The following SSH3 variants were observed in gnomAD, a reference collection of about 807,000 sequenced individuals.
SSH3 encodes protein phosphatase Slingshot homolog 3.
A neutral mutation model predicts 75.0 loss-of-function variants in SSH3; 67 were observed. The ratio of observed to expected loss-of-function variants is 0.89; its 90% CI spans 0.73 to 1.10. SSH3 has a LOEUF of 1.10. Among genes scored for constraint, SSH3 ranks in the 50% least tolerant of loss-of-function variants. SSH3 has a pLI of 0.00. For synonymous variants in SSH3, 318 were observed against 349.2 expected (o/e 0.91, Z 1.00); for missense variants, 824 against 872.7 (o/e 0.94, Z 0.70).
At chr11:67,303,888 G>C in intron 1 of SSH3, 197 bp downstream of exon 1, 2 of 752,872 alleles carry the variant, frequency 2.7e-6, no homozygotes, top group East Asian at 6.5e-5. Flanking sequence ...CGCCGCCCGG[G>C]CTGCGGAGGC....
chr11:67,310,474 G>A, intron 13 of SSH3, 135 bp downstream of exon 13: 3 of 1,193,564 alleles, frequency 2.5e-6, no homozygotes. Flanking sequence ...CGCCCATGCA[G>A]GGTGTCCTGG....
chr11:67,309,506 C>T lies in SSH3; in HGVS notation c.1171C>T (p.His391Tyr). 6.2e-7 allele frequency: 1 copy of T among 1,614,104 alleles called. No individual in the cohort carries two copies. Among genetic ancestry groups the T allele is most frequent in the Middle Eastern group, 1.6e-4 (1 of 6,062 alleles). Reference protein sequence around the residue: ...WDEESAQLLPHWKETHRFIEA... With the variant: ...WDEESAQLLPYWKETHRFIEA... ...TGAGGAGTCGGCCCAGCTGCTGCCG[C>T]ACTGGAAGGAGACGCACCGCTTCAT... The change falls in exon 11 of 14, where the codon CAC becomes TAC. Residue 391 changes from histidine to tyrosine, a missense_variant. His to Tyr is a moderately conservative substitution (Grantham distance 83). Coordinates refer to ENST00000308127, the MANE Select transcript of SSH3 (RefSeq NM_017857.4).
At position 67,310,229 on chromosome 11, in the gene SSH3, G is replaced by A. The variant is rs1861373730; in HGVS notation, c.1573G>A (p.Glu525Lys). ...AGAGAGCCAGGCAGCCCCGAAAGAA[G>A]AGCCTGGGCCACGGCCACGTATAAA... ...MEESQAAPKE[E>K]PGPRPRINLR... The change falls in exon 13 of 14, where the codon GAG (glutamate) becomes AAG (lysine). Residue 525 changes from glutamate (E) to lysine (K), a missense_variant. Glu to Lys is a moderately conservative substitution (Grantham distance 56). Transcript: ENST00000308127. 1.9e-6 allele frequency: 3 copies of A among 1,614,110 alleles called. No homozygotes were observed. Among genetic ancestry groups the A allele is most frequent in the Non-Finnish European group, 1.7e-6 (2 of 1,180,040 alleles).
At chr11:67,306,490 A>G (rs1250749699) in intron 3 of SSH3, among the ~76,000 whole-genome samples, 3 of 152,080 alleles carry the variant, frequency 2.0e-5, no homozygotes, top group Non-Finnish European at 2.9e-5. Flanking sequence ...TGTCCCAGCA[A>G]CTTGGGAGGC....
rs148268386 is a variant in SSH3 at position 67,307,686 on chromosome 11, C to T, written c.740C>T (p.Thr247Met). ...NSEQSCLNEW[T>M]AMADLESLRP... ...GAACAGAGCTGCCTCAATGAGTGGACGGCTATGGCCGACCTGGAGTCTCTG... is the reference window on the plus strand; with the variant it reads ...GAACAGAGCTGCCTCAATGAGTGGATGGCTATGGCCGACCTGGAGTCTCTG... The change falls in exon 7 of 14, where the codon ACG (threonine) becomes ATG (methionine). Residue 247 changes from threonine to methionine, a missense_variant. Physicochemically the swap from Thr to Met is moderately conservative, Grantham distance 81. Coordinates refer to ENST00000308127, the MANE Select transcript of SSH3 (RefSeq NM_017857.4). This position sits in a 1 kb window ranked among gnomAD's most constrained non-coding sequence, Gnocchi z 4.2. The T allele has an allele frequency of 9.9e-5, 160 of 1,614,022 alleles. 1 individual carries two copies. The East Asian group carries it at 2.7e-3, about 28-fold the overall frequency.
At chr11:67,306,298 A>G (rs994871299) in intron 3 of SSH3, among the ~76,000 whole-genome samples, 1 of 151,518 alleles carries the variant, frequency 6.6e-6, no homozygotes, top group Non-Finnish European at 1.5e-5. Context: ...CAAAAAAAAA[A>G]AAAGAAAAAA....
chr11:67,312,063 C>T lies in SSH3; in HGVS notation c.*176C>T. Reference sequence around the variant, plus strand: ...TCACCTCCCACCCCTGTCACTACAGCCTCACCTCCTACAGCCTTAAGTCCC... The same window carrying T: ...TCACCTCCCACCCCTGTCACTACAGTCTCACCTCCTACAGCCTTAAGTCCC... On this transcript the variant is annotated 3_prime_UTR_variant, in exon 14 of 14. Transcript: ENST00000308127. 1.1e-5 allele frequency: 9 copies of T among 815,194 alleles called. No individual in the cohort carries two copies. The highest frequency in any genetic ancestry group is 1.7e-5 in the Non-Finnish European group (9 of 538,706). 50.5% of individuals were successfully genotyped at this position (815,194 alleles called of 1,614,324 possible).
Position 67,308,538 on chromosome 11 carries a change from A to C in SSH3, c.1061+80A>C. On this transcript the variant is annotated intron_variant, in intron 10 of 13. Transcript: ENST00000308127. This position sits in a 1 kb window ranked among gnomAD's most constrained non-coding sequence, Gnocchi z 4.9. ...CCCGCATTGGGTGGTAGCCAGCTTC[A>C]AAAACCCCTGGACCACCCTCAGCAG... The C allele has an allele frequency of 6.5e-7, 1 of 1,528,770 alleles. No homozygotes were observed. The highest frequency in any genetic ancestry group is 2.5e-5 in the East Asian group (1 of 40,580). 94.7% of individuals were successfully genotyped at this position (1,528,770 alleles called of 1,614,324 possible).
At position 67,304,099 on chromosome 11, in the gene SSH3, G is replaced by C. The variant is rs759301387; in HGVS notation, c.67-19G>C. 15 of 1,582,442 alleles carry C rather than the reference G, an allele frequency of 9.5e-6. No homozygotes were observed. In the South Asian group the frequency reaches 1.5e-4, roughly 16 times the overall value. The stretch of plus-strand genomic sequence containing the variant: ...GCCCTCCCCGCCCTCACCCTGCCCT[G>C]GGGCTGCTCTCTCCGCAGGACCAGG... On this transcript the variant is annotated intron_variant, in intron 1 of 13. Coordinates refer to ENST00000308127, the MANE Select transcript of SSH3 (RefSeq NM_017857.4).
rs1861317861 is a variant in SSH3, at chr11:67,308,541, A to G, written c.1061+83A>G. ...GCATTGGGTGGTAGCCAGCTTCAAA[A>G]ACCCCTGGACCACCCTCAGCAGCTG... On this transcript the variant is annotated intron_variant, in intron 10 of 13. Transcript: ENST00000308127. This position sits in a 1 kb window ranked among gnomAD's most constrained non-coding sequence, Gnocchi z 4.9. The G allele has an allele frequency of 6.6e-7, 1 of 1,526,192 alleles. No individual in the cohort carries two copies. Among genetic ancestry groups the G allele is most frequent in the Admixed American group, 2.0e-5 (1 of 50,676 alleles). 94.5% of individuals were successfully genotyped at this position (1,526,192 alleles called of 1,614,324 possible).
chr11:67,304,899 C>A lies in SSH3; in HGVS notation c.231C>A (p.Asp77Glu). ...CGAGTGAGGAGGAGCTCCACGGGGA[C>A]CAGACAGACTTCGGGCAAGGATCCC... ...KAPSEEELHG[D>E]QTDFGQGSQS... is the part of the protein sequence containing the mutation. Residue 77 changes from aspartate (D) to glutamate (E), a missense_variant, in exon 3 of 14, where the codon GAC becomes GAA. Asp to Glu is a conservative substitution (Grantham distance 45). Transcript: ENST00000308127. 6.2e-7 allele frequency: 1 copy of A among 1,613,804 alleles called. No homozygotes were observed.
rs1057165661 is a variant in SSH3, at chr11:67,303,654, C to T, written c.29C>T (p.Pro10Leu). 7.3e-6 allele frequency: 11 copies of T among 1,513,122 alleles called. No individual in the cohort carries two copies. Among genetic ancestry groups the T allele is most frequent in the Non-Finnish European group, 9.7e-6 (11 of 1,137,316 alleles). 93.7% of individuals were successfully genotyped at this position (1,513,122 alleles called of 1,614,324 possible). Residue 10 changes from proline (P) to leucine (L), a missense_variant, in exon 1 of 14, where the codon CCC becomes CTC. By Grantham distance (98) the Pro-to-Leu change is moderately conservative. Coordinates refer to ENST00000308127, the MANE Select transcript of SSH3 (RefSeq NM_017857.4). MALVTVSRS[P>L]PGSGASTPVG... ...GCCCTGGTCACAGTGAGCCGTTCGC[C>T]CCCGGGCAGCGGCGCCTCCACGCCC...
chr11:67,311,234 C>A, intron 13 of SSH3, among the ~76,000 whole-genome samples: 1 of 152,266 alleles, frequency 6.6e-6, no homozygotes, highest in Non-Finnish European at 1.5e-5. Flanking sequence ...GGGCTGGTGC[C>A]GGCACGGGTT....
At chr11:67,303,841 C>T (rs1292861225) in intron 1 of SSH3, 150 bp downstream of exon 1, 3 of 833,002 alleles carry the variant, frequency 3.6e-6, no homozygotes, top group Admixed American at 3.9e-5. Flanking sequence ...TCGAGGGTCT[C>T]TGGTACTGGC....
rs751001057 is a variant in SSH3 at position 67,307,958 on chromosome 11, G to A, written c.885+19G>A. 5 of 1,613,854 alleles carry A rather than the reference G, an allele frequency of 3.1e-6. No individual in the cohort carries two copies. In the South Asian group the frequency reaches 5.5e-5, roughly 18 times the overall value. ...CAAAGAGGTGGGCAGGGGGCCCGGG[G>A]ACTGAGTCCCCTCTAGCAGGGGCTG... On this transcript the variant is annotated intron_variant, in intron 8 of 13. Transcript: ENST00000308127. The surrounding 1 kb of genome is among the most constrained non-coding windows in gnomAD (Gnocchi z 4.2).
intron 1 of SSH3, 85 bp downstream of exon 1, chr11:67,303,776 G>T: frequency 7.4e-7 from 1 of 1,359,914 alleles, no homozygotes; most frequent in South Asian, 1.6e-5. Context: ...GGCTCCTCTC[G>T]AACGGGGACA....
At position 67,308,932 on chromosome 11, in the gene SSH3, AAG is replaced by A. The variant is rs1490770626; in HGVS notation, c.1062-459_1062-458del. Among the ~76,000 whole-genome samples, 10 of 152,076 alleles carry A rather than the reference AAG, an allele frequency of 6.6e-5. No individual in the cohort carries two copies. The highest frequency in any genetic ancestry group is 1.5e-4 in the Non-Finnish European group (10 of 68,012). On this transcript the variant is annotated intron_variant, in intron 10 of 13. Transcript: ENST00000308127. The surrounding 1 kb of genome is among the most constrained non-coding windows in gnomAD (Gnocchi z 4.9). ...TGTCTCTAAAAAATAAGAAAAAAGA[AAG>A]AGAGAAAAAGCCTTTTCTCCACCTT... is the stretch of plus-strand genomic sequence containing the variant.
rs924813982 is a variant in SSH3, at chr11:67,309,814, C to A, written c.1255C>A (p.Arg419Ser). The A allele has an allele frequency of 1.9e-6, 3 of 1,613,292 alleles. No homozygotes were observed. In the African/African-American group the frequency reaches 4.0e-5, roughly 22 times the overall value. ...VLVHCKMGVS[R>S]SAATVLAYAM... ...GGTCCACTGCAAGATGGGCGTCAGCCGCTCAGCGGCCACAGTGCTGGCCTA... is the reference window on the plus strand; with the variant it reads ...GGTCCACTGCAAGATGGGCGTCAGCAGCTCAGCGGCCACAGTGCTGGCCTA... Residue 419 changes from arginine to serine, a missense_variant, in exon 12 of 14, where the codon CGC becomes AGC. Transcript: ENST00000308127.
At position 67,309,517 on chromosome 11, in the gene SSH3, G is replaced by A. The variant is rs1440509162; in HGVS notation, c.1182G>A (p.Glu394=). 6.2e-7 allele frequency: 1 copy of A among 1,613,980 alleles called. No individual in the cohort carries two copies. The highest frequency in any genetic ancestry group is 2.2e-5 in the East Asian group (1 of 44,888). ...CCCAGCTGCTGCCGCACTGGAAGGA[G>A]ACGCACCGCTTCATTGAGGCTGCAA... is the stretch of plus-strand genomic sequence containing the variant. ...ESAQLLPHWK[E]THRFIEAARA... Residue 394 remains glutamate (E), a synonymous_variant, in exon 11 of 14, where the codon GAG becomes GAA. Coordinates refer to ENST00000308127, the MANE Select transcript of SSH3 (RefSeq NM_017857.4).
Sources: gnomAD v4.1 joint callset for allele counts (sites outside exome capture counted in the v4.1 genomes callset) on GRCh38, gnomAD v4.1.1 for gene constraint, Gnocchi (gnomAD v3.1) non-coding constraint, MANE v1.5 for transcripts, NCBI Gene and HGNC (gene_info 2026-07-23, HGNC 2026-07-21) for gene names.